The following KLRG1 variants were observed in gnomAD, a reference collection of about 807,000 sequenced individuals.
KLRG1 encodes killer cell lectin like receptor G1, also known as killer cell lectin-like receptor subfamily G member 1.
In KLRG1, 16 loss-of-function variants were observed where a neutral mutation model predicts 21.8. The ratio of observed to expected loss-of-function variants is 0.73; its 90% CI spans 0.50 to 1.11. The LOEUF (loss-of-function observed/expected upper bound fraction) is 1.11. KLRG1 is among the 50% of genes most tolerant of loss of function. The probability of loss-of-function intolerance (pLI) is 0.00; values close to 1 mark genes in which losing one functional copy is unlikely to be tolerated. For synonymous variants in KLRG1, 69 were observed against 75.9 expected (o/e 0.91, Z 0.47); for missense variants, 173 against 218.3 (o/e 0.79, Z 1.31).
At chr12:9,195,702 C>T in the KLRG1 span, among the ~76,000 whole-genome samples, 2 of 149,588 alleles carry the variant, frequency 1.3e-5, no homozygotes, top group African/African-American at 2.5e-5. Context: ...GATCCTCCCC[C>T]CTTGGCCTCC....
the KLRG1 span, among the ~76,000 whole-genome samples, chr12:9,140,028 G>A: frequency 6.6e-6 from 1 of 152,198 alleles, no homozygotes; most frequent in African/African-American, 2.4e-5. Context: ...CGGAGAGGAG[G>A]TTATCTTGGG....
At chr12:9,078,455 G>A in the KLRG1 span, among the ~76,000 whole-genome samples, 2 of 152,108 alleles carry the variant, frequency 1.3e-5, no homozygotes, top group African/African-American at 2.4e-5. Flanking sequence ...GAGCATTTGG[G>A]TTAGTTCCAT....
intron 3 of KLRG1, among the ~76,000 whole-genome samples, chr12:9,003,665 TAC>T (rs1364524064): frequency 2.6e-5 from 4 of 151,638 alleles, no homozygotes; most frequent in Non-Finnish European, 5.9e-5. Flanking sequence ...AAGTAAAAAA[TAC>T]AGAGTTTGTG....
the KLRG1 span, among the ~76,000 whole-genome samples, chr12:9,129,263 TTGA>T: frequency 6.6e-6 from 1 of 152,144 alleles, no homozygotes; most frequent in African/African-American, 2.4e-5. Flanking sequence ...TTATCACTAG[TTGA>T]TGATACATTT....
At chr12:8,980,181 A>G (rs1321270174) in intron 1 of KLRG1, among the ~76,000 whole-genome samples, 1 of 151,268 alleles carries the variant, frequency 6.6e-6, no homozygotes, top group Non-Finnish European at 1.5e-5. Context: ...GATTACTGGG[A>G]TTACTGGGAT....
chr12:9,101,666 G>T, the KLRG1 span: 1 of 1,610,708 alleles, frequency 6.2e-7, no homozygotes, highest in South Asian at 1.1e-5. Context: ...TACGATCCTT[G>T]TAATTGACCT....
chr12:8,958,230 G>A (rs1029796032), intron 1 of KLRG1, among the ~76,000 whole-genome samples: 1 of 152,108 alleles, frequency 6.6e-6, no homozygotes, highest in African/African-American at 2.4e-5. Flanking sequence ...TTTGTGTATA[G>A]TTGAGGTAGC....
At chr12:9,093,030 G>T in the KLRG1 span, among the ~76,000 whole-genome samples, 1 of 152,232 alleles carries the variant, frequency 6.6e-6, no homozygotes, top group Non-Finnish European at 1.5e-5. Context: ...GATCTTACTT[G>T]TATGTGGATG....
chr12:9,060,392 AT>A, the KLRG1 span, among the ~76,000 whole-genome samples: 1 of 152,158 alleles, frequency 6.6e-6, no homozygotes, highest in Non-Finnish European at 1.5e-5. Flanking sequence ...ACTGCTGGGA[AT>A]AAATAGCCTT....
chr12:9,080,243 A>G, the KLRG1 span: 1 of 1,134,260 alleles, frequency 8.8e-7, no homozygotes, highest in Non-Finnish European at 1.3e-6. Context: ...AAACAGCTCT[A>G]TGACCCAGAA....
chr12:9,090,454 G>T, the KLRG1 span: 4 of 1,613,986 alleles, frequency 2.5e-6, no homozygotes, highest in Non-Finnish European at 3.4e-6. Context: ...AGCTAGGAAG[G>T]CGGGAGAGGC....
At chr12:9,159,808 ATT>A in the KLRG1 span, 1 of 812,632 alleles carries the variant, frequency 1.2e-6, no homozygotes, top group Non-Finnish European at 1.9e-6. Context: ...TAAGAAATAA[ATT>A]TCTTTTCTTT....
At chr12:9,203,928 G>A in the KLRG1 span, 24 of 1,613,884 alleles carry the variant, frequency 1.5e-5, no homozygotes, top group African/African-American at 3.1e-4. Context: ...GTGGAGCAGG[G>A]AGGGGACCAG....
the KLRG1 span, among the ~76,000 whole-genome samples, chr12:9,041,890 G>A: frequency 6.6e-6 from 1 of 152,124 alleles, no homozygotes; most frequent in Admixed American, 6.5e-5. Flanking sequence ...TTTGCGTGCA[G>A]CAATTTATCA....
chr12:9,029,652 AT>A, the KLRG1 span, among the ~76,000 whole-genome samples: 7 of 151,932 alleles, frequency 4.6e-5, no homozygotes, highest in Middle Eastern at 3.4e-3. Context: ...CAAAACTGTC[AT>A]TTTTTCCCCC....
At chr12:9,101,444 C>T in the KLRG1 span, 1 of 1,608,898 alleles carries the variant, frequency 6.2e-7, no homozygotes, top group Non-Finnish European at 8.5e-7. Context: ...CCTCCCTTCT[C>T]ACCAGATAAT....
chr12:9,107,629 CT>C, the KLRG1 span: 1 of 1,613,980 alleles, frequency 6.2e-7, no homozygotes, highest in Non-Finnish European at 8.5e-7. Flanking sequence ...CAGGGACAGG[CT>C]TCCCATATGT....
At chr12:8,980,531 G>C (rs966647125) in intron 1 of KLRG1, among the ~76,000 whole-genome samples, 3 of 152,180 alleles carry the variant, frequency 2.0e-5, no homozygotes, top group Admixed American at 2.0e-4. Flanking sequence ...TGCCTGCAAG[G>C]GTAGTGGCTG....
the KLRG1 span, among the ~76,000 whole-genome samples, chr12:9,182,920 C>T: frequency 6.6e-6 from 1 of 152,192 alleles, no homozygotes; most frequent in Non-Finnish European, 1.5e-5. Context: ...CTTTTCTCTA[C>T]ATCCCTCCTG....
Sources: allele counts gnomAD v4.1 joint callset (sites outside exome capture counted in the v4.1 genomes callset), GRCh38; gene constraint gnomAD v4.1.1; transcripts MANE v1.5; gene names NCBI Gene and HGNC (gene_info 2026-07-23, HGNC 2026-07-21).